The following THSD7A variants were observed in gnomAD, a reference collection of about 807,000 sequenced individuals.
THSD7A encodes thrombospondin type-1 domain-containing protein 7A.
A neutral mutation model predicts 231.3 loss-of-function variants in THSD7A; 96 were observed. The observed-to-expected ratio is 0.41, with a 90% CI of 0.35 to 0.49. THSD7A has a LOEUF of 0.49. Ranked by LOEUF, THSD7A falls within the 20% of genes least tolerant of loss-of-function variation. The pLI, the probability that THSD7A is intolerant of heterozygous loss-of-function variation, is 0.05. For missense variants in THSD7A, 2,290 were observed against 2,070.2 expected, an observed-to-expected ratio of 1.11 and a Z score of -2.06; for synonymous variants, 940 against 743.3, an observed-to-expected ratio of 1.26 and a Z score of -4.30.
chr7:11,559,323 G>A (rs4263648), intron 4 of THSD7A, among the ~76,000 whole-genome samples: 72,884 of 151,992 alleles, frequency 0.48, 17,898 homozygotes, highest in Admixed American at 0.6. Flanking sequence ...TTGTTATGGA[G>A]GCAGTAGAAA....
chr7:11,679,103 G>A (rs971167054), intron 1 of THSD7A, among the ~76,000 whole-genome samples: 34 of 152,260 alleles, frequency 2.2e-4, no homozygotes, highest in Non-Finnish European at 4.1e-4. Flanking sequence ...AAAACCACAT[G>A]ATTATCTTAA....
Position 11,512,161 on chromosome 7 carries a change from G to A in THSD7A, c.1822+29258C>T, listed in dbSNP as rs188316383. ...ACACTTCTCAAAAGAAGACATTTAT[G>A]TAGCCAAAAGACACAGAAAAAAATG... On this transcript the variant is annotated intron_variant, in intron 6 of 27. Transcript: ENST00000423059. Among the ~76,000 whole-genome samples, 638 of 152,266 alleles carry A rather than the reference G, an allele frequency of 4.2e-3. 7 individuals are homozygous for A. Among genetic ancestry groups the A allele is most frequent in the African/African-American group, 0.015 (612 of 41,554 alleles).
At chr7:11,500,184 GA>G (rs978043510) in intron 6 of THSD7A, among the ~76,000 whole-genome samples, 1 of 150,926 alleles carries the variant, frequency 6.6e-6, no homozygotes, top group Non-Finnish European at 1.5e-5. Flanking sequence ...TTAAAGAAAA[GA>G]AAAAAAAATC....
rs570086196 is a variant in THSD7A, at chr7:11,728,389, T to C, written c.191-91428A>G. Reference sequence around the variant, plus strand: ...TTGATAAAGAGAAGGCAGGAGTATATAATCTAGAGTGGCACAAGCCAATTT... The same window carrying C: ...TTGATAAAGAGAAGGCAGGAGTATACAATCTAGAGTGGCACAAGCCAATTT... On this transcript the variant is annotated intron_variant, in intron 1 of 27. Transcript: ENST00000423059. 9.5e-4 allele frequency among the ~76,000 whole-genome samples: 144 copies of C among 152,026 alleles called. 2 individuals are homozygous for C. The highest frequency in any genetic ancestry group is 3.1e-3 in the African/African-American group (129 of 41,536).
intron 9 of THSD7A, among the ~76,000 whole-genome samples, chr7:11,466,893 A>T (rs1267566210): frequency 6.6e-6 from 1 of 152,036 alleles, no homozygotes; most frequent in Non-Finnish European, 1.5e-5. Context: ...AGACCAACCC[A>T]ACTAAACCCA....
intron 1 of THSD7A, among the ~76,000 whole-genome samples, chr7:11,744,086 A>G (rs1782196865): frequency 6.6e-6 from 1 of 151,902 alleles, no homozygotes; most frequent in Admixed American, 6.6e-5. Flanking sequence ...CTGATTTTTA[A>G]GGAACCCAAA....
chr7:11,505,230 T>C (rs150694001), intron 6 of THSD7A, among the ~76,000 whole-genome samples: 111 of 152,252 alleles, frequency 7.3e-4, no homozygotes, highest in African/African-American at 2.5e-3. Context: ...TAAAAGAAAA[T>C]AATAGTTTAA....
rs1784959210 is a variant in THSD7A, at chr7:11,446,054, G to GAATT, written c.3064+3_3064+6dup. 5.6e-6 allele frequency: 9 copies of GAATT among 1,612,804 alleles called. No homozygotes were observed. Among genetic ancestry groups the GAATT allele is most frequent in the Non-Finnish European group, 7.6e-6 (9 of 1,179,274 alleles). ...TAGCAAATATGTAACAATGAAGATTGAATTACCATGGCTGTTACATCTAGA... is the reference window on the plus strand; with the variant it reads ...TAGCAAATATGTAACAATGAAGATTGAATTAATTACCATGGCTGTTACATCTAGA... On this transcript the variant is annotated splice_region_variant and intron_variant, in intron 13 of 27. Coordinates refer to ENST00000423059, the MANE Select transcript of THSD7A (RefSeq NM_015204.3). This position sits in a 1 kb window ranked among gnomAD's most constrained non-coding sequence, Gnocchi z 4.0.
intron 6 of THSD7A, among the ~76,000 whole-genome samples, chr7:11,483,645 CT>C (rs1351235336): frequency 1.3e-5 from 2 of 152,056 alleles, no homozygotes; most frequent in Non-Finnish European, 2.9e-5. Context: ...AATGATGACT[CT>C]TTTTTCTACT....
At chr7:11,450,023 A>G (rs1785094524) in intron 11 of THSD7A, among the ~76,000 whole-genome samples, 1 of 152,092 alleles carries the variant, frequency 6.6e-6, no homozygotes, top group Non-Finnish European at 1.5e-5. Flanking sequence ...GACTACTTTT[A>G]CCTACTCATT....
chr7:11,535,710 G>A (rs897319049), intron 6 of THSD7A, among the ~76,000 whole-genome samples: 10 of 152,038 alleles, frequency 6.6e-5, no homozygotes, highest in African/African-American at 2.4e-4. Flanking sequence ...TTTAAAAGAA[G>A]TTTTTTCTAC....
At chr7:11,505,723 C>A (rs1787516917) in intron 6 of THSD7A, among the ~76,000 whole-genome samples, 1 of 152,038 alleles carries the variant, frequency 6.6e-6, no homozygotes, top group Non-Finnish European at 1.5e-5. Context: ...AGGGTTATGG[C>A]AAATTTTACA....
chr7:11,756,040 C>G (rs1021969421), intron 1 of THSD7A, among the ~76,000 whole-genome samples: 6 of 152,028 alleles, frequency 3.9e-5, no homozygotes, highest in Non-Finnish European at 1.5e-5. Context: ...ATAAAAGACA[C>G]TTATCTCATA....
chr7:11,685,433 A>G (rs1216731795), intron 1 of THSD7A, among the ~76,000 whole-genome samples: 1 of 152,064 alleles, frequency 6.6e-6, no homozygotes, highest in African/African-American at 2.4e-5. Flanking sequence ...CAGAGAAAAC[A>G]GACAACATAC....
chr7:11,520,515 C>T (rs10262636), intron 6 of THSD7A, among the ~76,000 whole-genome samples: 24,584 of 151,960 alleles, frequency 0.16, 2,349 homozygotes, highest in African/African-American at 0.27. Context: ...GGATATAAAA[C>T]CCTTTAGACT....
chr7:11,613,464 T>C (rs1781003016), intron 2 of THSD7A, among the ~76,000 whole-genome samples: 1 of 152,152 alleles, frequency 6.6e-6, no homozygotes, highest in South Asian at 2.1e-4. Flanking sequence ...GATAATAACA[T>C]ATGGGGCTTT....
Position 11,379,091 on chromosome 7 carries a change from A to ACCAGG in THSD7A, c.4775_4779dup (p.Phe1594ProfsTer13), listed in dbSNP as rs757846971. 4 of 1,613,254 alleles carry ACCAGG rather than the reference A, an allele frequency of 2.5e-6. No homozygotes were observed. The Admixed American group carries it at 6.7e-5, about 27-fold the overall frequency. On this transcript the variant is annotated frameshift_variant, in exon 26 of 28. Coordinates refer to ENST00000423059, the MANE Select transcript of THSD7A (RefSeq NM_015204.3). LOFTEE classifies it high-confidence loss of function. ...TCACCTGGCCCAAATGGCTGTAGAA[A>ACCAGG]CCAGGTCCTTCCCCGTCCTGCTGGG...
chr7:11,546,202 G>GCGCACGCGCACA, intron 4 of THSD7A, among the ~76,000 whole-genome samples: 1 of 129,374 alleles, frequency 7.7e-6, no homozygotes, highest in Non-Finnish European at 1.7e-5. Flanking sequence ...GTGGGCGCGC[G>GCGCACGCGCACA]CTCACACACA....
chr7:11,805,060 T>C (rs932624966), intron 1 of THSD7A, among the ~76,000 whole-genome samples: 6 of 152,112 alleles, frequency 3.9e-5, no homozygotes, highest in Admixed American at 6.6e-5. Context: ...GCCGATATTG[T>C]AGTCATTATG....
Sources: allele counts gnomAD v4.1 joint callset (sites outside exome capture counted in the v4.1 genomes callset), GRCh38; gene constraint gnomAD v4.1.1; non-coding constraint Gnocchi (gnomAD v3.1); transcripts MANE v1.5; gene names NCBI Gene and HGNC (gene_info 2026-07-23, HGNC 2026-07-21).